CNTNAP2: variants seen among roughly 807,000 people sequenced by gnomAD.
The protein encoded by CNTNAP2 is contactin associated protein 2, also known as contactin-associated protein-like 2.
Under a neutral mutation model 155.2 loss-of-function variants are expected in CNTNAP2, and 98 were observed. The observed-to-expected ratio is 0.63, with a 90% CI of 0.54 to 0.75. The LOEUF is 0.75. Among genes scored for constraint, CNTNAP2 ranks in the 30% least tolerant of loss-of-function variants. The pLI is 0.00. For missense variants in CNTNAP2, 1,727 were observed against 1,688.1 expected (o/e 1.02, Z -0.40); for synonymous variants, 651 against 631.2 (o/e 1.03, Z -0.47).
At chr7:147,566,521 G>C (rs1238513956) in intron 12 of CNTNAP2, among the ~76,000 whole-genome samples, 1 of 152,136 alleles carries the variant, frequency 6.6e-6, no homozygotes, top group Non-Finnish European at 1.5e-5. Flanking sequence ...GTTGCTCATG[G>C]CTGGGGAAGC....
chr7:147,457,842 C>CA (rs10718454), intron 10 of CNTNAP2, among the ~76,000 whole-genome samples: 6 of 151,616 alleles, frequency 4.0e-5, no homozygotes, highest in East Asian at 1.9e-4. Context: ...AATGAATCAA[C>CA]AAAAAAAAAA....
chr7:148,326,633 A>G lies in CNTNAP2; in HGVS notation c.3476-57016A>G, dbSNP rs997161988. ...TGTAATCCCAGCACTTTCGGAGGCCAAGGCGGGCGGATCATGAGGTCAGGA... is the reference window on the plus strand; with the variant it reads ...TGTAATCCCAGCACTTTCGGAGGCCGAGGCGGGCGGATCATGAGGTCAGGA... On this transcript the variant is annotated intron_variant, in intron 21 of 23. Transcript: ENST00000361727. Among the ~76,000 whole-genome samples, 33 of 152,056 alleles carry G rather than the reference A, an allele frequency of 2.2e-4. 1 individual carries two copies. The highest frequency in any genetic ancestry group is 6.5e-4 in the Admixed American group (10 of 15,286).
intron 9 of CNTNAP2, among the ~76,000 whole-genome samples, chr7:147,358,011 T>G (rs2116890604): frequency 6.6e-6 from 1 of 152,292 alleles, no homozygotes. Flanking sequence ...AATTGTAGTA[T>G]CTGTGAAAAG....
intron 1 of CNTNAP2, among the ~76,000 whole-genome samples, chr7:146,331,590 T>C (rs920210692): frequency 3.9e-5 from 6 of 152,068 alleles, no homozygotes; most frequent in Non-Finnish European, 8.8e-5. Context: ...GATGGTGGGT[T>C]CTGGGCATCA....
chr7:148,158,300 G>A (rs1805444363), intron 17 of CNTNAP2, among the ~76,000 whole-genome samples: 1 of 132,382 alleles, frequency 7.6e-6, no homozygotes, highest in Non-Finnish European at 1.5e-5. Context: ...TCGGCTCACT[G>A]CAACCTCCGC....
At chr7:147,500,318 G>T (rs1211329696) in intron 11 of CNTNAP2, among the ~76,000 whole-genome samples, 1 of 151,998 alleles carries the variant, frequency 6.6e-6, no homozygotes, top group Non-Finnish European at 1.5e-5. Flanking sequence ...TGCAAAAACA[G>T]ACCAGCCTGG....
At chr7:148,169,957 C>CT (rs1302205087) in intron 17 of CNTNAP2, among the ~76,000 whole-genome samples, 2 of 128,328 alleles carry the variant, frequency 1.6e-5, no homozygotes, top group African/African-American at 6.5e-5. Context: ...GAAAATCCGC[C>CT]TCAAAAAAAA....
chr7:147,725,996 A>C (rs1026845719), intron 13 of CNTNAP2, among the ~76,000 whole-genome samples: 1 of 152,068 alleles, frequency 6.6e-6, no homozygotes, highest in Non-Finnish European at 1.5e-5. Context: ...CAAGAAAACA[A>C]CAGGAGATAG....
At chr7:147,918,312 AT>A (rs1417199131) in intron 14 of CNTNAP2, among the ~76,000 whole-genome samples, 1 of 152,188 alleles carries the variant, frequency 6.6e-6, no homozygotes, top group Non-Finnish European at 1.5e-5. Flanking sequence ...GGTTTTTTGT[AT>A]GTATTTATAA....
intron 1 of CNTNAP2, among the ~76,000 whole-genome samples, chr7:146,596,200 A>T (rs1373461538): frequency 1.3e-5 from 2 of 151,998 alleles, no homozygotes; most frequent in Admixed American, 1.3e-4. Flanking sequence ...TCACTGTTAC[A>T]TTCAGTAAAT....
chr7:147,489,205 G>A (rs1348006945), intron 11 of CNTNAP2, among the ~76,000 whole-genome samples: 1 of 152,126 alleles, frequency 6.6e-6, no homozygotes, highest in Non-Finnish European at 1.5e-5. Flanking sequence ...TGTACATGGG[G>A]ACTTTGTTTT....
intron 1 of CNTNAP2, among the ~76,000 whole-genome samples, chr7:146,438,596 A>C (rs1796276633): frequency 6.6e-6 from 1 of 151,484 alleles, no homozygotes; most frequent in African/African-American, 2.4e-5. Context: ...CAGACATGGT[A>C]GGTTATTTTC....
intron 21 of CNTNAP2, among the ~76,000 whole-genome samples, chr7:148,311,900 G>A (rs1239907874): frequency 6.6e-6 from 1 of 152,196 alleles, no homozygotes; most frequent in Non-Finnish European, 1.5e-5. Flanking sequence ...GGGGTCAGGT[G>A]TGGTATCTGG....
At chr7:148,195,223 T>C (rs1015987790) in intron 18 of CNTNAP2, among the ~76,000 whole-genome samples, 4 of 152,250 alleles carry the variant, frequency 2.6e-5, no homozygotes, top group African/African-American at 9.6e-5. Context: ...CTTCTCATTA[T>C]GTATTGTCAG....
In CNTNAP2 at chr7:146,451,880, C is replaced by CGTATATAT. The variant is rs1563089272; in HGVS notation, c.98-322391_98-322390insGTATATAT. On this transcript the variant is annotated intron_variant, in intron 1 of 23. Transcript: ENST00000361727. Reference sequence around the variant, plus strand: ...CTATATATATATATACGTATATATACACATATACATATATTTATTTATTTA... The same window carrying CGTATATAT: ...CTATATATATATATACGTATATATACGTATATATACATATACATATATTTATTTATTTA... Among the ~76,000 whole-genome samples, 19 of 106,222 alleles carry CGTATATAT rather than the reference C, an allele frequency of 1.8e-4. 1 individual carries two copies. Among genetic ancestry groups the CGTATATAT allele is most frequent in the South Asian group, 2.4e-4 (1 of 4,248 alleles). The allele number at this position is 106,222 out of a possible 152,430, so 69.7% of individuals were successfully genotyped here. A position where few individuals can be genotyped will look rare whatever the true frequency, so the allele number is the denominator to read the frequency against.
At chr7:146,601,548 C>A (rs763244620) in intron 1 of CNTNAP2, among the ~76,000 whole-genome samples, 1 of 151,884 alleles carries the variant, frequency 6.6e-6, no homozygotes, top group Non-Finnish European at 1.5e-5. Flanking sequence ...TATATCAATC[C>A]ATATTTATGT....
chr7:146,883,469 T>C (rs1203017050), intron 3 of CNTNAP2, among the ~76,000 whole-genome samples: 3 of 152,178 alleles, frequency 2.0e-5, no homozygotes, highest in African/African-American at 4.8e-5. Context: ...TGTGTGCACA[T>C]GCATATTTAA....
At chr7:147,325,995 T>A (rs1795448564) in intron 9 of CNTNAP2, among the ~76,000 whole-genome samples, 1 of 152,166 alleles carries the variant, frequency 6.6e-6, no homozygotes, top group Non-Finnish European at 1.5e-5. Flanking sequence ...CAATCTCGGC[T>A]CACTGCAAGC....
At chr7:146,204,988 C>T (rs73452098) in intron 1 of CNTNAP2, among the ~76,000 whole-genome samples, 2,248 of 152,040 alleles carry the variant, frequency 0.015, 57 homozygotes, top group African/African-American at 0.05. Context: ...GAGGCATTGA[C>T]AGTAATTTGC....
Sources: allele counts gnomAD v4.1 joint callset (sites outside exome capture counted in the v4.1 genomes callset), GRCh38; gene constraint gnomAD v4.1.1; transcripts MANE v1.5; gene names NCBI Gene and HGNC (gene_info 2026-07-23, HGNC 2026-07-21).